Variants in CSTA observed in about 807,000 individuals in gnomAD.
CSTA encodes the protein cystatin A, also known as cystatin-A.
A neutral mutation model predicts 9.2 loss-of-function variants in CSTA; 9 were observed. The ratio of observed to expected loss-of-function variants is 0.97; its 90% CI spans 0.59 to 1.70. CSTA has a LOEUF of 1.70. Ranked by LOEUF, CSTA falls within the 40% of genes most tolerant of loss-of-function variation. The pLI is 0.00. For missense variants in CSTA, 118 were observed against 113.1 expected, an observed-to-expected ratio of 1.04 and a Z score of -0.20; for synonymous variants, 36 against 40.6, an observed-to-expected ratio of 0.89 and a Z score of 0.43.
At chr3:122,341,325 T>A (rs2075264119) in intron 2 of CSTA, 114 bp from the exon 3 acceptor site, 1 of 1,076,830 alleles carries the variant, frequency 9.3e-7, no homozygotes, top group African/African-American at 1.6e-5. Context: ...CTAGCAATGC[T>A]GTTCCTCAGC....
chr3:122,339,629 G>A (rs752064957), intron 2 of CSTA, among the ~76,000 whole-genome samples: 1 of 152,208 alleles, frequency 6.6e-6, no homozygotes, highest in Non-Finnish European at 1.5e-5. Flanking sequence ...AAGGTGGGAG[G>A]ATAGCTTGAA....
At chr3:122,337,784 G>GT in intron 2 of CSTA, 136 bp downstream of exon 2, 1 of 740,692 alleles carries the variant, frequency 1.4e-6, no homozygotes, top group African/African-American at 1.8e-5. Flanking sequence ...TTCCTTCCAA[G>GT]TGGTGGACTC....
Position 122,325,289 on chromosome 3 carries a change from C to CA in CSTA, c.1dup, listed in dbSNP as rs767374454. 1 of 1,611,068 alleles carries CA rather than the reference C, an allele frequency of 6.2e-7. No homozygotes were observed. The highest frequency in any genetic ancestry group is 1.1e-5 in the South Asian group (1 of 90,974). ...CCTGTCCAGCAAAGAAGCAATCAGC[C>CA]AAAATGATACCTGGAGGCTTATCTG... On this transcript the variant is annotated 5_prime_UTR_variant, in exon 1 of 3. Coordinates refer to ENST00000264474, the MANE Select transcript of CSTA (RefSeq NM_005213.4).
At chr3:122,338,834 A>G (rs905078602) in intron 2 of CSTA, among the ~76,000 whole-genome samples, 6 of 152,216 alleles carry the variant, frequency 3.9e-5, no homozygotes, top group African/African-American at 1.4e-4. Flanking sequence ...TTCACATATT[A>G]CCAGCTCACA....
chr3:122,334,373 C>T (rs571987141), intron 1 of CSTA, among the ~76,000 whole-genome samples: 9 of 152,108 alleles, frequency 5.9e-5, no homozygotes, highest in Non-Finnish European at 1.3e-4. Context: ...AGGTTCAAAA[C>T]ATCTGCCCAG....
chr3:122,340,110 T>A (rs945518600), intron 2 of CSTA, among the ~76,000 whole-genome samples: 2 of 152,170 alleles, frequency 1.3e-5, no homozygotes, highest in African/African-American at 4.8e-5. Flanking sequence ...ATATATGGCA[T>A]TTGTTAAAAT....
Position 122,333,694 on chromosome 3 carries a change from G to GAAAGAA in CSTA, c.67-3852_67-3851insAAGAAA, listed in dbSNP as rs1481646745. 2.8e-3 allele frequency among the ~76,000 whole-genome samples: 392 copies of GAAAGAA among 139,348 alleles called. 6 individuals are homozygous for GAAAGAA. The highest frequency in any genetic ancestry group is 0.021 in the Middle Eastern group (5 of 240). The allele number at this position is 139,348 out of a possible 152,430, so 91.4% of individuals were successfully genotyped here. A position where few individuals can be genotyped will look rare whatever the true frequency, so the allele number is the denominator to read the frequency against. ...AAGAAAGAAAGAAGAAAGAAAGAGA[G>GAAAGAA]AGAGAAAGAAAGAAAAAGAAAGAAA... On this transcript the variant is annotated intron_variant, in intron 1 of 2. Coordinates refer to ENST00000264474, the MANE Select transcript of CSTA (RefSeq NM_005213.4).
intron 1 of CSTA, among the ~76,000 whole-genome samples, chr3:122,331,311 C>T (rs1388571752): frequency 5.3e-5 from 8 of 152,080 alleles, no homozygotes; most frequent in Admixed American, 5.2e-4. Flanking sequence ...ATTTGCATTC[C>T]CCTCTCTGAC....
intron 2 of CSTA, among the ~76,000 whole-genome samples, chr3:122,340,397 C>T (rs1158409770): frequency 1.3e-5 from 2 of 151,978 alleles, no homozygotes; most frequent in African/African-American, 2.4e-5. Flanking sequence ...CTCCACCTCC[C>T]GGATTCAAGC....
At chr3:122,333,544 A>AAAG (rs2075216863) in intron 1 of CSTA, among the ~76,000 whole-genome samples, 1 of 37,906 alleles carries the variant, frequency 2.6e-5, no homozygotes, top group Non-Finnish European at 5.6e-5. Flanking sequence ...AAGAAAGAAG[A>AAAG]AAGAAAGAAA....
chr3:122,325,951 T>C (rs1349317010), intron 1 of CSTA, among the ~76,000 whole-genome samples: 3 of 152,182 alleles, frequency 2.0e-5, no homozygotes, highest in Non-Finnish European at 2.9e-5. Flanking sequence ...CACCAAATTA[T>C]ATATGGAAAA....
intron 2 of CSTA, chr3:122,337,973 T>C (rs2075244885): frequency 3.1e-6 from 1 of 322,396 alleles, no homozygotes; most frequent in African/African-American, 2.2e-5. Flanking sequence ...CTCATCTGCC[T>C]GAAGGTGTGG....
chr3:122,332,121 A>G (rs112983192), intron 1 of CSTA, among the ~76,000 whole-genome samples: 2,680 of 152,260 alleles, frequency 0.018, 75 homozygotes, highest in African/African-American at 0.062. Flanking sequence ...CTAACAGGCC[A>G]TGGATGGGTA....
chr3:122,331,104 AACACACACACACACACAC>A (rs10575257), intron 1 of CSTA, among the ~76,000 whole-genome samples: 1 of 141,076 alleles, frequency 7.1e-6, no homozygotes, highest in African/African-American at 2.7e-5. Flanking sequence ...GCACACAACA[AACACACACACACACACAC>A]ACACACACAC....
intron 1 of CSTA, among the ~76,000 whole-genome samples, 170 bp from the exon 2 acceptor site, chr3:122,337,377 T>C: frequency 6.6e-6 from 1 of 152,222 alleles, no homozygotes; most frequent in Admixed American, 6.5e-5. Context: ...CTTTTTAACC[T>C]ATGTAATTGT....
intron 1 of CSTA, among the ~76,000 whole-genome samples, chr3:122,330,473 T>G (rs1399156652): frequency 6.6e-6 from 1 of 152,028 alleles, no homozygotes; most frequent in Non-Finnish European, 1.5e-5. Flanking sequence ...AAGAGGAATA[T>G]TGGATGAGGG....
chr3:122,338,229 GCT>G (rs1192316575), intron 2 of CSTA: 1 of 152,198 alleles, frequency 6.6e-6, no homozygotes, highest in Non-Finnish European at 1.5e-5. Flanking sequence ...TAATTTTATA[GCT>G]CTGTCAAAAA....
At position 122,341,422 on chromosome 3, in the gene CSTA, T is replaced by C; in HGVS notation, c.169-17T>C. On this transcript the variant is annotated splice_polypyrimidine_tract_variant and intron_variant, in intron 2 of 2. Coordinates refer to ENST00000264474, the MANE Select transcript of CSTA (RefSeq NM_005213.4). The stretch of plus-strand genomic sequence containing the variant: ...AATGAATCTCCTTTTGCTTTCTCTT[T>C]CTTTAATATTTTTCAGGTACGAGCA... 6.2e-7 allele frequency: 1 copy of C among 1,613,574 alleles called. No homozygotes were observed. The highest frequency in any genetic ancestry group is 1.3e-5 in the African/African-American group (1 of 75,026).
chr3:122,339,480 C>A (rs1332780415), intron 2 of CSTA, among the ~76,000 whole-genome samples: 1 of 152,190 alleles, frequency 6.6e-6, no homozygotes, highest in Non-Finnish European at 1.5e-5. Flanking sequence ...AGAGCAGAGT[C>A]AGGATTTGAA....
Sources: gnomAD v4.1 joint callset for allele counts (sites outside exome capture counted in the v4.1 genomes callset) on GRCh38, gnomAD v4.1.1 for gene constraint, MANE v1.5 for transcripts, NCBI Gene and HGNC (gene_info 2026-07-23, HGNC 2026-07-21) for gene names.